The following ACTN2 variants were observed in gnomAD, a reference collection of about 807,000 sequenced individuals.
ACTN2 encodes the protein actinin alpha 2.
A neutral mutation model predicts 113.8 loss-of-function variants in ACTN2; 39 were observed. The observed-to-expected ratio is 0.34, with a 90% CI of 0.27 to 0.45. The LOEUF (loss-of-function observed/expected upper bound fraction) is 0.45, where lower values mean the gene tolerates loss of function less well. Ranked by LOEUF, ACTN2 falls within the 20% of genes least tolerant of loss-of-function variation. ACTN2 has a pLI of 1.00. For synonymous variants in ACTN2, 429 were observed against 444.1 expected (o/e 0.97, Z 0.43); for missense variants, 992 against 1,177.9 (o/e 0.84, Z 2.31).
At chr1:236,727,354 AAG>A in intron 5 of ACTN2, among the ~76,000 whole-genome samples, 1 of 152,082 alleles carries the variant, frequency 6.6e-6, no homozygotes, top group South Asian at 2.1e-4. Flanking sequence ...AGAGTTGGAG[AAG>A]AGAGAGGAAC....
intron 10 of ACTN2, among the ~76,000 whole-genome samples, chr1:236,740,747 G>A (rs937120891): frequency 6.6e-6 from 1 of 151,518 alleles, no homozygotes; most frequent in African/African-American, 2.4e-5. Context: ...TGGCCAGGCT[G>A]GTCTCGAACT....
At chr1:236,717,094 C>T (rs1658241685) in intron 1 of ACTN2, among the ~76,000 whole-genome samples, 1 of 151,870 alleles carries the variant, frequency 6.6e-6, no homozygotes, top group Admixed American at 6.6e-5. Context: ...CCTCAGCCTC[C>T]CAAAGTGCTG....
At chr1:236,727,551 A>C in intron 5 of ACTN2, 127 bp from the exon 6 acceptor site, 1 of 906,310 alleles carries the variant, frequency 1.1e-6, no homozygotes, top group Non-Finnish European at 1.8e-6. Flanking sequence ...GGTAAAGAGG[A>C]AGCTACATGG....
chr1:236,744,806 G>C (rs1211555739), intron 12 of ACTN2, 30 bp downstream of exon 12: 2 of 1,613,762 alleles, frequency 1.2e-6, no homozygotes, highest in Non-Finnish European at 8.5e-7. Context: ...GTCCTCCCGG[G>C]AGCCCCTGGG....
chr1:236,693,157 G>A (rs1657328072), intron 1 of ACTN2, among the ~76,000 whole-genome samples: 1 of 141,026 alleles, frequency 7.1e-6, no homozygotes, highest in Admixed American at 7.5e-5. Flanking sequence ...AAAATTTTTG[G>A]TACAAACATC....
rs142913939 is a variant in ACTN2, at chr1:236,687,245, T to C, written c.126+446T>C. The stretch of plus-strand genomic sequence containing the variant: ...TTCCACCGGGCTGCCCCTAGAGTCA[T>C]GGAAAGTCATTTATTCAATCTTTTG... On this transcript the variant is annotated intron_variant, in intron 1 of 20. Coordinates refer to ENST00000366578, the MANE Select transcript of ACTN2 (RefSeq NM_001103.4). Among the ~76,000 whole-genome samples, 205 of 152,292 alleles carry C rather than the reference T, an allele frequency of 1.3e-3. 6 individuals are homozygous for C. The East Asian group carries it at 0.031, about 23-fold the overall frequency.
At chr1:236,760,211 A>T (rs972153271) in intron 19 of ACTN2, among the ~76,000 whole-genome samples, 2 of 151,836 alleles carry the variant, frequency 1.3e-5, no homozygotes, top group Non-Finnish European at 2.9e-5. Context: ...GCACCACTGC[A>T]CTCCAGCCTA....
chr1:236,727,607 C>G, intron 5 of ACTN2, 71 bp from the exon 6 acceptor site: 2 of 1,503,560 alleles, frequency 1.3e-6, no homozygotes, highest in Non-Finnish European at 1.9e-6. Flanking sequence ...CAACATCTGA[C>G]TGAGTGCAGA....
intron 19 of ACTN2, among the ~76,000 whole-genome samples, chr1:236,760,180 A>G (rs992518836): frequency 7.2e-5 from 11 of 152,102 alleles, no homozygotes; most frequent in African/African-American, 2.4e-4. Context: ...TGGGAGGCGG[A>G]GGTTGCAGTG....
chr1:236,744,361 G>T (rs551211304), intron 11 of ACTN2, among the ~76,000 whole-genome samples: 47 of 152,196 alleles, frequency 3.1e-4, no homozygotes, highest in African/African-American at 7.2e-4. Flanking sequence ...CTACAAATTG[G>T]TTTTTTTCTA....
Position 236,715,118 on chromosome 1 carries a change from TC to T in ACTN2, c.127-2739del, listed in dbSNP as rs1056447661. Among the ~76,000 whole-genome samples the T allele has an allele frequency of 5.1e-4, 77 of 152,020 alleles. 2 individuals are homozygous for T. The highest frequency in any genetic ancestry group is 1.7e-3 in the African/African-American group (71 of 41,472). On this transcript the variant is annotated intron_variant, in intron 1 of 20. Transcript: ENST00000366578. ...GAACAAAGGTGAGAGGATGGATTTT[TC>T]TTTGAACCCTTTCGTACCACTTGAA...
In ACTN2 at chr1:236,762,461, C is replaced by G; in HGVS notation, c.2527C>G (p.Pro843Ala). 1.2e-6 allele frequency: 2 copies of G among 1,614,080 alleles called. No homozygotes were observed. Among genetic ancestry groups the G allele is most frequent in the Non-Finnish European group, 1.7e-6 (2 of 1,179,968 alleles). The change falls in exon 21 of 21, where the codon CCA becomes GCA. Residue 843 changes from proline to alanine, a missense_variant and splice_region_variant. Coordinates refer to ENST00000366578, the MANE Select transcript of ACTN2 (RefSeq NM_001103.4). ...ASFRILASDK[P>A]YILAEELRRE... ...CAAACACGTGTGTATTTTTTCCCAG[C>G]CATACATCCTGGCGGAGGAGCTGCG...
rs868699745 is a variant in ACTN2 at position 236,743,475 on chromosome 1, C to T, written c.1255+432C>T. 3.0e-4 allele frequency among the ~76,000 whole-genome samples: 46 copies of T among 152,124 alleles called. No homozygotes were observed. The East Asian group carries it at 3.7e-3, about 12-fold the overall frequency. ...ATCTGGGAGGGAGGATGCAAGATAT[C>T]ATGTATAATCTAACTTTCTTATTTC... On this transcript the variant is annotated intron_variant, in intron 11 of 20. Coordinates refer to ENST00000366578, the MANE Select transcript of ACTN2 (RefSeq NM_001103.4).
rs1430262023 is a variant in ACTN2 at position 236,751,501 on chromosome 1, C to T, written c.1688C>T (p.Ala563Val). 1 of 1,613,972 alleles carries T rather than the reference C, an allele frequency of 6.2e-7. No homozygotes were observed. Among genetic ancestry groups the T allele is most frequent in the Non-Finnish European group, 8.5e-7 (1 of 1,180,022 alleles). The change falls in exon 15 of 21, where the codon GCC becomes GTC. Residue 563 changes from alanine to valine, a missense_variant. Physicochemically the swap from Ala to Val is moderately conservative, Grantham distance 64. Transcript: ENST00000366578. ...SLITAHEQFK[A>V]TLPEADGERQ... ...ATCACTGCGCATGAGCAGTTCAAGG[C>T]CACGCTGCCCGAGGCGGACGGAGAG...
At chr1:236,709,218 CTGTATA>C (rs1369567659) in intron 1 of ACTN2, among the ~76,000 whole-genome samples, 1 of 57,294 alleles carries the variant, frequency 1.7e-5, no homozygotes, top group Non-Finnish European at 3.3e-5. Flanking sequence ...TGACAAATGA[CTGTATA>C]TATATATATA....
At chr1:236,695,561 GTT>G (rs1203686524) in intron 1 of ACTN2, among the ~76,000 whole-genome samples, 1 of 42,674 alleles carries the variant, frequency 2.3e-5, no homozygotes, top group East Asian at 4.2e-4. Context: ...TTTGAAATGA[GTT>G]CCCCCCCCCT....
At chr1:236,691,996 A>G (rs1346529530) in intron 1 of ACTN2, among the ~76,000 whole-genome samples, 3 of 152,280 alleles carry the variant, frequency 2.0e-5, no homozygotes, top group Non-Finnish European at 4.4e-5. Context: ...TCTCCAAGAC[A>G]TGCAGAGCTC....
chr1:236,756,813 C>A (rs1249564611), intron 17 of ACTN2, among the ~76,000 whole-genome samples: 20 of 13,294 alleles, frequency 1.5e-3, no homozygotes, highest in African/African-American at 5.0e-3. Flanking sequence ...AGAGTATATA[C>A]TGCAGAGTGC....
At chr1:236,748,338 T>C (rs1659297333) in intron 13 of ACTN2, among the ~76,000 whole-genome samples, 1 of 152,146 alleles carries the variant, frequency 6.6e-6, no homozygotes, top group African/African-American at 2.4e-5. Context: ...TTGACTCTGA[T>C]GATACTTTTG....
Sources: allele counts gnomAD v4.1 joint callset (sites outside exome capture counted in the v4.1 genomes callset), GRCh38; gene constraint gnomAD v4.1.1; transcripts MANE v1.5; gene names NCBI Gene and HGNC (gene_info 2026-07-23, HGNC 2026-07-21).